The following NETO1 variants were observed in gnomAD, a reference collection of about 807,000 sequenced individuals.
NETO1 encodes the protein neuropilin and tolloid like 1, also known as neuropilin and tolloid-like protein 1.
NETO1 carries 26 observed loss-of-function variants against 61.3 expected under a neutral mutation model. The ratio of observed to expected loss-of-function variants is 0.42; its 90% CI spans 0.31 to 0.59. The LOEUF is 0.59. NETO1 is among the 20% of genes least tolerant of loss of function. The pLI, the probability that NETO1 is intolerant of heterozygous loss-of-function variation, is 0.12. For missense variants in NETO1, 531 were observed against 662.8 expected (o/e 0.80, Z 2.18); for synonymous variants, 225 against 225.8 (o/e 1.00, Z 0.03).
chr18:72,821,264 C>T (rs1024737112), intron 4 of NETO1, among the ~76,000 whole-genome samples: 1 of 114,410 alleles, frequency 8.7e-6, no homozygotes, highest in Non-Finnish European at 1.9e-5. Context: ...AAAATGGGTC[C>T]AGGCACAGTG....
intron 7 of NETO1, among the ~76,000 whole-genome samples, chr18:72,770,229 G>C (rs2071309506): frequency 1.3e-5 from 2 of 151,832 alleles, no homozygotes; most frequent in Non-Finnish European, 2.9e-5. Context: ...TTTTCTATTA[G>C]AATGCTTATC....
chr18:72,865,509 G>T (rs774434595), intron 1 of NETO1: 14 of 1,554,196 alleles, frequency 9.0e-6, no homozygotes, highest in Non-Finnish European at 1.1e-5. Context: ...AAGGCAACAT[G>T]TCAATTTACT....
chr18:72,756,146 A>T lies in NETO1; in HGVS notation c.870T>A (p.Pro290=). 2.0e-6 allele frequency: 3 copies of T among 1,529,038 alleles called. No homozygotes were observed. Among genetic ancestry groups the T allele is most frequent in the Middle Eastern group, 1.7e-4 (1 of 5,890 alleles). 94.7% of individuals were successfully genotyped at this position (1,529,038 alleles called of 1,614,324 possible). Residue 290 remains proline (P), a splice_region_variant and synonymous_variant, in exon 8 of 11, where the codon CCT becomes CCA. Coordinates refer to ENST00000327305, the MANE Select transcript of NETO1 (RefSeq NM_138966.5). The part of the protein sequence containing the change: ...FQMLFTSFQE[P]PCEGNTFFCH... ...AGAAGAATGTGTTGCCTTCACAAGG[A>T]GCTAAAAAGAAGAAGAACAAGACAA...
At chr18:72,789,644 C>T (rs1197822663) in intron 6 of NETO1, among the ~76,000 whole-genome samples, 2 of 152,154 alleles carry the variant, frequency 1.3e-5, no homozygotes, top group African/African-American at 2.4e-5. Context: ...GTAGGAAGTA[C>T]TGGGTTCTTT....
Position 72,767,074 on chromosome 18 carries a change from A to G in NETO1, c.869-10927T>C, listed in dbSNP as rs561211975. ...AGTAGCAGGTGGCTAGTTTAGACAC[A>G]TTATTCTTTTATAAAGGTGCAATAC... On this transcript the variant is annotated intron_variant, in intron 7 of 10. Transcript: ENST00000327305. 9.2e-5 allele frequency among the ~76,000 whole-genome samples: 14 copies of G among 152,314 alleles called. No individual in the cohort carries two copies. In the South Asian group the frequency reaches 2.7e-3, roughly 29 times the overall value.
intron 4 of NETO1, among the ~76,000 whole-genome samples, chr18:72,845,576 C>T (rs938301214): frequency 2.0e-5 from 3 of 152,214 alleles, no homozygotes; most frequent in African/African-American, 2.4e-5. Flanking sequence ...TCAAAACAAC[C>T]GAGCATCATG....
At chr18:72,863,006 T>C (rs1481399249) in intron 3 of NETO1, among the ~76,000 whole-genome samples, 1 of 152,204 alleles carries the variant, frequency 6.6e-6, no homozygotes, top group Non-Finnish European at 1.5e-5. Flanking sequence ...TATGATTTAC[T>C]TGGACTTTTG....
At chr18:72,762,121 G>A (rs145853215) in intron 7 of NETO1, among the ~76,000 whole-genome samples, 19 of 152,036 alleles carry the variant, frequency 1.2e-4, no homozygotes, top group African/African-American at 4.3e-4. Flanking sequence ...GAATAGGGTG[G>A]GAGATTATTA....
At chr18:72,835,351 A>G (rs2073711319) in intron 4 of NETO1, 2 of 1,573,094 alleles carry the variant, frequency 1.3e-6, no homozygotes, top group Admixed American at 1.7e-5. Flanking sequence ...AAGAAGTTTA[A>G]TTAGACCAGT....
intron 4 of NETO1, among the ~76,000 whole-genome samples, chr18:72,804,698 A>G (rs926318011): frequency 2.0e-5 from 3 of 152,190 alleles, no homozygotes; most frequent in African/African-American, 4.8e-5. Flanking sequence ...ACAGGTCATG[A>G]GCACACGTCA....
chr18:72,800,846 GATTTT>G (rs2145313842), intron 4 of NETO1, among the ~76,000 whole-genome samples: 1 of 152,204 alleles, frequency 6.6e-6, no homozygotes, highest in African/African-American at 2.4e-5. Context: ...ACCCCAACTT[GATTTT>G]ATTATATGTT....
intron 4 of NETO1, among the ~76,000 whole-genome samples, chr18:72,840,335 G>T (rs911733398): frequency 4.6e-5 from 7 of 152,196 alleles, no homozygotes; most frequent in African/African-American, 1.7e-4. Flanking sequence ...GCTCACCACA[G>T]TTCCTCCTTT....
At chr18:72,755,941 CTTATT>C (rs1184152217) in intron 8 of NETO1, 88 bp downstream of exon 8, 4 of 660,804 alleles carry the variant, frequency 6.1e-6, no homozygotes, top group South Asian at 1.9e-5. Context: ...ACTATACACT[CTTATT>C]TTAAAGACTG....
At chr18:72,828,977 AAT>A (rs1262946509) in intron 4 of NETO1, among the ~76,000 whole-genome samples, 1 of 152,200 alleles carries the variant, frequency 6.6e-6, no homozygotes, top group Non-Finnish European at 1.5e-5. Flanking sequence ...CTAAAAAAAA[AAT>A]CTTAAGAAAG....
At chr18:72,841,952 A>G (rs7232420) in intron 4 of NETO1, among the ~76,000 whole-genome samples, 148,988 of 152,132 alleles carry the variant, frequency 0.98, 72,965 homozygotes, top group East Asian at 1. Context: ...CTAAGAAAAA[A>G]GACATTTAGC....
intron 7 of NETO1, among the ~76,000 whole-genome samples, chr18:72,776,109 C>T (rs1378896294): frequency 6.6e-6 from 1 of 152,156 alleles, no homozygotes; most frequent in Non-Finnish European, 1.5e-5. Context: ...AGTTCAAGGG[C>T]ATGGCCCTGG....
rs2070547905 is a variant in NETO1 at position 72,750,217 on chromosome 18, T to G, written c.1386A>C (p.Pro462=). Reference sequence around the variant, plus strand: ...TCATGGGTGGGATGAGGGGTTTTCCTGGCTGTGTGGGCATCTCTGTCAAGA... The same window carrying G: ...TCATGGGTGGGATGAGGGGTTTTCCGGGCTGTGTGGGCATCTCTGTCAAGA... ...ASILTEMPTQ[P]GKPLIPPMNR... Residue 462 remains proline (P), a synonymous_variant, in exon 9 of 11, where the codon CCA becomes CCC. Coordinates refer to ENST00000327305, the MANE Select transcript of NETO1 (RefSeq NM_138966.5). 6.2e-7 allele frequency: 1 copy of G among 1,613,982 alleles called. No individual in the cohort carries two copies. The highest frequency in any genetic ancestry group is 1.3e-5 in the African/African-American group (1 of 74,932).
chr18:72,743,824 T>C lies in NETO1; in HGVS notation c.*4355A>G, dbSNP rs1418309079. On this transcript the variant is annotated 3_prime_UTR_variant, in exon 11 of 11. Transcript: ENST00000327305. ...ATTGTTTTCTGGTCATTTTTAAGTT[T>C]TGTGTCAGTATCTGTGACTATTAAG... is the stretch of plus-strand genomic sequence containing the variant. 4 of 152,212 alleles carry C rather than the reference T, an allele frequency of 2.6e-5. No individual in the cohort carries two copies. The highest frequency in any genetic ancestry group is 9.7e-5 in the African/African-American group (4 of 41,446). The allele number at this position is 152,212 out of a possible 1,614,324, so 9.4% of individuals were successfully genotyped here. A position where few individuals can be genotyped will look rare whatever the true frequency, so the allele number is the denominator to read the frequency against.
chr18:72,822,805 C>A (rs965846599), intron 4 of NETO1, among the ~76,000 whole-genome samples: 2 of 152,012 alleles, frequency 1.3e-5, no homozygotes, highest in South Asian at 4.2e-4. Flanking sequence ...ATTTCCCCCA[C>A]AAGAACAGCA....
Sources: gnomAD v4.1 joint callset for allele counts (sites outside exome capture counted in the v4.1 genomes callset) on GRCh38, gnomAD v4.1.1 for gene constraint, MANE v1.5 for transcripts, NCBI Gene and HGNC (gene_info 2026-07-23, HGNC 2026-07-21) for gene names.